The following SEPTIN11 variants were observed in gnomAD, a reference collection of about 807,000 sequenced individuals.
SEPTIN11 encodes septin-11.
A neutral mutation model predicts 51.4 loss-of-function variants in SEPTIN11; 25 were observed. That is an observed-to-expected ratio of 0.49 (90% CI 0.35 to 0.68). SEPTIN11 has a LOEUF of 0.68. Among genes scored for constraint, SEPTIN11 ranks in the 30% least tolerant of loss-of-function variants. SEPTIN11 has a pLI of 0.00. For missense variants in SEPTIN11, 381 were observed against 520.8 expected, an observed-to-expected ratio of 0.73 and a Z score of 2.61; for synonymous variants, 174 against 184.1, an observed-to-expected ratio of 0.95 and a Z score of 0.44.
intron 1 of SEPTIN11, among the ~76,000 whole-genome samples, chr4:76,951,797 T>G (rs1284876872): frequency 6.6e-6 from 1 of 152,220 alleles, no homozygotes; most frequent in African/African-American, 2.4e-5. Flanking sequence ...AAGGTTTAGT[T>G]GTGTGGCCGT....
chr4:76,997,018 T>C lies in SEPTIN11; in HGVS notation c.142+479T>C, dbSNP rs551795521. On this transcript the variant is annotated intron_variant, in intron 2 of 9. Coordinates refer to ENST00000264893, the MANE Select transcript of SEPTIN11 (RefSeq NM_018243.4). ...CCTCAGCCTCCTGAGTAGCTGGGAT[T>C]ACAGTAGCCACCATGCCCAGCTAAT... Among the ~76,000 whole-genome samples the C allele has an allele frequency of 5.5e-5, 8 of 145,224 alleles. No individual in the cohort carries two copies. In the South Asian group the frequency reaches 1.8e-3, roughly 34 times the overall value.
intron 1 of SEPTIN11, among the ~76,000 whole-genome samples, chr4:76,958,134 G>A (rs1235668652): frequency 6.6e-6 from 1 of 152,210 alleles, no homozygotes; most frequent in Non-Finnish European, 1.5e-5. Flanking sequence ...AAGACGTATT[G>A]TCTAAGACGT....
intron 5 of SEPTIN11, among the ~76,000 whole-genome samples, chr4:77,016,659 C>CATATATATATATAT (rs776737427): frequency 1.5e-5 from 1 of 65,704 alleles, no homozygotes; most frequent in Non-Finnish European, 3.4e-5. Flanking sequence ...TATATATACA[C>CATATATATATATAT]ATATATATAT....
intron 8 of SEPTIN11, among the ~76,000 whole-genome samples, chr4:77,029,732 T>A (rs1726459419): frequency 6.6e-6 from 1 of 151,716 alleles, no homozygotes; most frequent in Non-Finnish European, 1.5e-5. Flanking sequence ...AACACATTAT[T>A]TAAGTAGCTA....
Position 76,984,804 on chromosome 4 carries a change from C to A in SEPTIN11, c.28-11621C>A, listed in dbSNP as rs1722940390. ...GAGACGTGATATGTCTTAAATGGAA[C>A]TGGGTTGTTTGGGACCCACTGGACA... On this transcript the variant is annotated intron_variant, in intron 1 of 9. Transcript: ENST00000264893. This position sits in a 1 kb window ranked among gnomAD's most constrained non-coding sequence, Gnocchi z 4.1. Among the ~76,000 whole-genome samples, 1 of 152,188 alleles carries A rather than the reference C, an allele frequency of 6.6e-6. No individual in the cohort carries two copies. The highest frequency in any genetic ancestry group is 2.4e-5 in the African/African-American group (1 of 41,444).
At chr4:77,018,448 CAAAA>C (rs35058632) in intron 5 of SEPTIN11, among the ~76,000 whole-genome samples, 1 of 131,762 alleles carries the variant, frequency 7.6e-6, no homozygotes, top group Non-Finnish European at 1.6e-5. Flanking sequence ...GACTCCATCT[CAAAA>C]AAAAAAAAAA....
chr4:77,001,701 AG>A (rs1321989144), intron 2 of SEPTIN11, among the ~76,000 whole-genome samples: 2 of 152,120 alleles, frequency 1.3e-5, no homozygotes, highest in Admixed American at 1.3e-4. Flanking sequence ...TCTGCTAGGG[AG>A]TTTTGAAATA....
At position 77,024,384 on chromosome 4, in the gene SEPTIN11, G is replaced by A. The variant is rs1350105431; in HGVS notation, c.953+3714G>A. Among the ~76,000 whole-genome samples the A allele has an allele frequency of 6.6e-6, 1 of 151,880 alleles. No individual in the cohort carries two copies. The highest frequency in any genetic ancestry group is 2.4e-5 in the African/African-American group (1 of 41,306). On this transcript the variant is annotated intron_variant, in intron 7 of 9. Coordinates refer to ENST00000264893, the MANE Select transcript of SEPTIN11 (RefSeq NM_018243.4). This position sits in a 1 kb window ranked among gnomAD's most constrained non-coding sequence, Gnocchi z 4.2. ...TGCCCTGAAGCCTTGAAACTCATGC[G>A]TCTACCACCCAGAGCACCCATGCTT...
intron 1 of SEPTIN11, among the ~76,000 whole-genome samples, chr4:76,991,255 A>G (rs1384364845): frequency 2.6e-5 from 4 of 152,190 alleles, no homozygotes; most frequent in African/African-American, 9.7e-5. Context: ...CAACCCTGCC[A>G]AGGAGATATG....
intron 5 of SEPTIN11, among the ~76,000 whole-genome samples, chr4:77,017,455 A>G (rs921630532): frequency 2.0e-5 from 3 of 152,216 alleles, no homozygotes; most frequent in Non-Finnish European, 4.4e-5. Context: ...TCATTACACC[A>G]AAATATTGAC....
At position 76,955,767 on chromosome 4, in the gene SEPTIN11, G is replaced by C. The variant is rs75777595; in HGVS notation, c.27+5837G>C. On this transcript the variant is annotated intron_variant, in intron 1 of 9. Coordinates refer to ENST00000264893, the MANE Select transcript of SEPTIN11 (RefSeq NM_018243.4). ...ATAGAGGAAATGAAGACTGACAGAGGACACAGAGAAGGAGAGTCCAGTGAC... is the reference window on the plus strand; with the variant it reads ...ATAGAGGAAATGAAGACTGACAGAGCACACAGAGAAGGAGAGTCCAGTGAC... 2.1e-3 allele frequency among the ~76,000 whole-genome samples: 319 copies of C among 152,238 alleles called. 1 individual carries two copies. The highest frequency in any genetic ancestry group is 7.3e-3 in the African/African-American group (302 of 41,536).
intron 1 of SEPTIN11, among the ~76,000 whole-genome samples, chr4:76,986,259 A>G (rs1407354640): frequency 1.3e-5 from 2 of 151,742 alleles, no homozygotes; most frequent in African/African-American, 4.8e-5. Context: ...CATTGCTGCT[A>G]TTTGGCGTGA....
downstream of SEPTIN11, chr4:77,038,981 T>C (rs1727219813): frequency 1.2e-6 from 1 of 867,876 alleles, no homozygotes; most frequent in African/African-American, 1.8e-5. Context: ...ACTGCTGTTC[T>C]TTCACAGCTT....
rs1726947146 is a variant in SEPTIN11 at position 77,035,197 on chromosome 4, T to G, written c.*685T>G. The G allele has an allele frequency of 9.1e-6, 9 of 985,338 alleles. No individual in the cohort carries two copies. In the South Asian group the frequency reaches 4.2e-4, roughly 46 times the overall value. 61.0% of individuals were successfully genotyped at this position (985,338 alleles called of 1,614,324 possible). The stretch of plus-strand genomic sequence containing the variant: ...TTGGAGTAGACTGGTATGAGAAAAC[T>G]ATGATTAGTTCACATTTACTGGTGC... On this transcript the variant is annotated 3_prime_UTR_variant, in exon 10 of 10. Coordinates refer to ENST00000264893, the MANE Select transcript of SEPTIN11 (RefSeq NM_018243.4).
chr4:77,026,603 C>T (rs778345784), intron 7 of SEPTIN11, among the ~76,000 whole-genome samples: 1 of 152,136 alleles, frequency 6.6e-6, no homozygotes, highest in Non-Finnish European at 1.5e-5. Context: ...CGTCTTTTGA[C>T]GTTGGAGCCC....
At chr4:76,951,899 A>G (rs1476058924) in intron 1 of SEPTIN11, among the ~76,000 whole-genome samples, 1 of 152,022 alleles carries the variant, frequency 6.6e-6, no homozygotes, top group Non-Finnish European at 1.5e-5. Context: ...AATAGAGGAG[A>G]TTTTTTTTAA....
intron 7 of SEPTIN11, among the ~76,000 whole-genome samples, chr4:77,022,231 C>T (rs1367592662): frequency 1.3e-5 from 2 of 152,142 alleles, no homozygotes; most frequent in African/African-American, 4.8e-5. Flanking sequence ...AAGGAACTGC[C>T]ATAAAATTGA....
intron 5 of SEPTIN11, among the ~76,000 whole-genome samples, chr4:77,018,376 A>G (rs1449581361): frequency 2.0e-5 from 3 of 151,478 alleles, no homozygotes; most frequent in Admixed American, 2.0e-4. Flanking sequence ...GTGAACCCGG[A>G]GGGCAGAGCT....
rs1722916903 is a variant in SEPTIN11 at position 76,984,337 on chromosome 4, T to C, written c.28-12088T>C. Among the ~76,000 whole-genome samples the C allele has an allele frequency of 1.3e-5, 2 of 151,982 alleles. No individual in the cohort carries two copies. Among genetic ancestry groups the C allele is most frequent in the African/African-American group, 4.8e-5 (2 of 41,376 alleles). ...TGGATTGGATTTTTTTTTTTTCTTCTCTCACAGAGACTGCCATCACATGGC... is the reference window on the plus strand; with the variant it reads ...TGGATTGGATTTTTTTTTTTTCTTCCCTCACAGAGACTGCCATCACATGGC... On this transcript the variant is annotated intron_variant, in intron 1 of 9. Transcript: ENST00000264893. This position sits in a 1 kb window ranked among gnomAD's most constrained non-coding sequence, Gnocchi z 4.1.
Sources: allele counts gnomAD v4.1 joint callset (sites outside exome capture counted in the v4.1 genomes callset), GRCh38; gene constraint gnomAD v4.1.1; non-coding constraint Gnocchi (gnomAD v3.1); transcripts MANE v1.5; gene names NCBI Gene and HGNC (gene_info 2026-07-23, HGNC 2026-07-21).